Variants in SHOX observed in about 807,000 individuals in gnomAD.
The protein encoded by SHOX is short stature homeobox protein.
SHOX carries 12 observed loss-of-function variants against 29.6 expected under a neutral mutation model. That is an observed-to-expected ratio of 0.41 (90% CI 0.26 to 0.66). SHOX has a LOEUF of 0.66. SHOX is among the 30% of genes least tolerant of loss of function. The probability of loss-of-function intolerance (pLI) is 0.35; values close to 1 mark genes in which losing one functional copy is unlikely to be tolerated. For synonymous variants in SHOX, 214 were observed against 200.6 expected (o/e 1.07, Z -0.57); for missense variants, 499 against 437.7 (o/e 1.14, Z -1.25).
chrX:651,211 T>C lies in SHOX; in HGVS notation c.*6575T>C. 2.3e-6 allele frequency: 1 copy of C among 432,094 alleles called. No individual in the cohort carries two copies. The highest frequency in any genetic ancestry group is 4.7e-6 in the Non-Finnish European group (1 of 214,792). 26.8% of individuals were successfully genotyped at this position (432,094 alleles called of 1,614,324 possible). A position where few individuals can be genotyped will look rare whatever the true frequency, so the allele number is the denominator to read the frequency against. ...TTATTTTTATATTTCTGAAAACTGT[T>C]GCTTTTTCTTTTTCCCTCCCCCATT... On this transcript the variant is annotated 3_prime_UTR_variant, in exon 5 of 5. Transcript: ENST00000686671.
chrX:625,055 C>CT (rs1421316085), intron 1 of SHOX, among the ~76,000 whole-genome samples: 2 of 37,834 alleles, frequency 5.3e-5, no homozygotes, highest in East Asian at 4.7e-4. Flanking sequence ...CCCTCTGTTC[C>CT]TTCCTCCCTC....
intron 2 of SHOX, among the ~76,000 whole-genome samples, chrX:637,985 T>C (rs894133826): frequency 6.6e-6 from 1 of 152,194 alleles, no homozygotes; most frequent in Non-Finnish European, 1.5e-5. Context: ...CAGGCGGTAA[T>C]TTAATTACAA....
chrX:644,006 C>T (rs1358818945), intron 4 of SHOX, among the ~76,000 whole-genome samples: 1 of 67,528 alleles, frequency 1.5e-5, no homozygotes, highest in East Asian at 4.0e-4. Flanking sequence ...CCGGGAGAGG[C>T]TTGGGGACCT....
chrX:625,907 CTCTG>C (rs1356492371), upstream of SHOX, among the ~76,000 whole-genome samples: 2 of 139,022 alleles, frequency 1.4e-5, no homozygotes, highest in African/African-American at 5.3e-5. Context: ...CTTTCTCTGT[CTCTG>C]TCTGTATCTC....
intron 2 of SHOX, among the ~76,000 whole-genome samples, chrX:637,196 A>G (rs1171942604): frequency 6.6e-6 from 1 of 151,944 alleles, no homozygotes; most frequent in African/African-American, 2.4e-5. Flanking sequence ...TGCATCAGAC[A>G]GGGGTTTCCT....
chrX:626,550 C>T (rs865984008), upstream of SHOX, among the ~76,000 whole-genome samples: 33 of 7,612 alleles, frequency 4.3e-3, no homozygotes, highest in Admixed American at 0.011. Context: ...CTGTCTCTCT[C>T]TCTCCTCTTT....
intron 2 of SHOX, among the ~76,000 whole-genome samples, chrX:635,302 T>C (rs1050597589): frequency 6.6e-6 from 1 of 151,642 alleles, no homozygotes; most frequent in Non-Finnish European, 1.5e-5. Flanking sequence ...AGATTTTTCA[T>C]TTAAAAAAAA....
rs766338429 is a variant in SHOX at position 644,901 on chromosome X, C to T, written c.*265C>T. The T allele has an allele frequency of 2.1e-4, 95 of 452,140 alleles. 2 individuals are homozygous for T. In the East Asian group the frequency reaches 3.5e-3, roughly 17 times the overall value. 28.0% of individuals were successfully genotyped at this position (452,140 alleles called of 1,614,324 possible). On this transcript the variant is annotated 3_prime_UTR_variant, in exon 5 of 5. Coordinates refer to ENST00000686671, the MANE Select transcript of SHOX (RefSeq NM_000451.4). ...CCGGGCCTCTCCAAGGCTGCCCGTGCGTCCTGGGACCCTGGAGAAGGGTAA... is the reference window on the plus strand; with the variant it reads ...CCGGGCCTCTCCAAGGCTGCCCGTGTGTCCTGGGACCCTGGAGAAGGGTAA...
At chrX:641,218 A>T (rs1361216095) in intron 4 of SHOX, 131 bp downstream of exon 4, 1 of 913,842 alleles carries the variant, frequency 1.1e-6, no homozygotes, top group Non-Finnish European at 1.8e-6. Flanking sequence ...TGGCCCTTAG[A>T]AAAAAAGCCT....
intron 1 of SHOX, among the ~76,000 whole-genome samples, chrX:625,025 C>T (rs2052491138): frequency 6.8e-6 from 1 of 146,640 alleles, no homozygotes; most frequent in Admixed American, 6.8e-5. Context: ...TCCTTCTCTC[C>T]CTCCCTCCTT....
downstream of SHOX, among the ~76,000 whole-genome samples, chrX:655,491 G>A (rs2053124514): frequency 6.6e-6 from 1 of 151,240 alleles, no homozygotes; most frequent in South Asian, 2.1e-4. Flanking sequence ...CGTGATCCCA[G>A]TACTGTGGGA....
chrX:625,070 CCTCCTT>C (rs2052495310), intron 1 of SHOX, among the ~76,000 whole-genome samples: 1 of 140,808 alleles, frequency 7.1e-6, no homozygotes, highest in South Asian at 2.4e-4. Flanking sequence ...TCCCTCCCTC[CCTCCTT>C]CTCTCCCTCC....
rs778689503 is a variant in SHOX at position 658,834 on chromosome X, G to A, written c.*5G>A. The A allele has an allele frequency of 3.1e-5, 12 of 385,690 alleles. No individual in the cohort carries two copies. In the East Asian group the frequency reaches 3.7e-4, roughly 12 times the overall value. 23.9% of individuals were successfully genotyped at this position (385,690 alleles called of 1,614,324 possible). ...GGCTGGAGTATAATGGCATGATCTC[G>A]ACTCACTGCAACCTCCGCCTCCCGA... On this transcript the variant is annotated 3_prime_UTR_variant, in exon 6 of 6. Coordinates refer to the SHOX transcript ENST00000334060.
intron 1 of SHOX, among the ~76,000 whole-genome samples, chrX:631,416 C>A (rs1191185096): frequency 1.3e-5 from 2 of 152,216 alleles, no homozygotes; most frequent in African/African-American, 4.8e-5. Flanking sequence ...GCGGGGGCCG[C>A]GCGCGTGGGC....
At chrX:658,622 C>T (rs1253040641) in intron 5 of SHOX, among the ~76,000 whole-genome samples, 3 of 151,916 alleles carry the variant, frequency 2.0e-5, no homozygotes, top group Non-Finnish European at 4.4e-5. Context: ...AGGCGCCCGC[C>T]ACCGCGCCCG....
chrX:641,624 G>A lies in SHOX; in HGVS notation c.633+537G>A, dbSNP rs2052854648. 2.0e-5 allele frequency among the ~76,000 whole-genome samples: 3 copies of A among 149,640 alleles called. No homozygotes were observed. In the South Asian group the frequency reaches 6.4e-4, roughly 32 times the overall value. ...GAACCTGGGAGGTGGAGGTTGCCGT[G>A]AGCCAATATCGCGCCACTGCACTCC... On this transcript the variant is annotated intron_variant, in intron 4 of 4. Transcript: ENST00000686671.
downstream of SHOX, among the ~76,000 whole-genome samples, chrX:656,090 G>A (rs2053142266): frequency 7.0e-6 from 1 of 143,352 alleles, no homozygotes; most frequent in South Asian, 2.4e-4. Flanking sequence ...AGGCAGAGTT[G>A]CTTGAGCCCA....
In SHOX at chrX:646,744, C is replaced by T. The variant is rs1007580286; in HGVS notation, c.*2108C>T. ...AGAGAGAAAGAATCCCAGACATTAA[C>T]GGTATTAGAGAGTTTGCCTCATTCA... On this transcript the variant is annotated 3_prime_UTR_variant, in exon 5 of 5. Coordinates refer to ENST00000686671, the MANE Select transcript of SHOX (RefSeq NM_000451.4). The T allele has an allele frequency of 2.0e-5, 3 of 150,768 alleles. No homozygotes were observed. Among genetic ancestry groups the T allele is most frequent in the East Asian group, 1.9e-4 (1 of 5,156 alleles). 9.3% of individuals were successfully genotyped at this position (150,768 alleles called of 1,614,324 possible). A position where few individuals can be genotyped will look rare whatever the true frequency, so the allele number is the denominator to read the frequency against.
Position 635,264 on chromosome X carries a change from A to G in SHOX, c.486+438A>G, listed in dbSNP as rs777065649. ...GATTATACTTAGGAGACGAAGCTAC[A>G]GATGCGTTTGATCCAGAGTGTTTTA... is the stretch of plus-strand genomic sequence containing the variant. On this transcript the variant is annotated intron_variant, in intron 2 of 4. Coordinates refer to ENST00000686671, the MANE Select transcript of SHOX (RefSeq NM_000451.4). Among the ~76,000 whole-genome samples the G allele has an allele frequency of 4.2e-3, 632 of 152,216 alleles. 1 individual carries two copies. Among genetic ancestry groups the G allele is most frequent in the Non-Finnish European group, 7.6e-3 (517 of 68,010 alleles).
Sources: gnomAD v4.1 joint callset for allele counts (sites outside exome capture counted in the v4.1 genomes callset) on GRCh38, gnomAD v4.1.1 for gene constraint, MANE v1.5 for transcripts, NCBI Gene and HGNC (gene_info 2026-07-23, HGNC 2026-07-21) for gene names.